The following MAGI2 variants were observed in gnomAD, a reference collection of about 807,000 sequenced individuals.
MAGI2 encodes membrane-associated guanylate kinase, WW and PDZ domain-containing protein 2.
In MAGI2, 35 loss-of-function variants were observed where a neutral mutation model predicts 133.3. The ratio of observed to expected loss-of-function variants is 0.26; its 90% CI spans 0.20 to 0.35. MAGI2 has a LOEUF of 0.35. MAGI2 is among the 10% of genes least tolerant of loss of function. The pLI, the probability that MAGI2 is intolerant of heterozygous loss-of-function variation, is 1.00. For synonymous variants in MAGI2, 729 were observed against 710.6 expected (o/e 1.03, Z -0.41); for missense variants, 1,636 against 1,863.4 (o/e 0.88, Z 2.25).
intron 1 of MAGI2, among the ~76,000 whole-genome samples, chr7:79,082,677 G>A (rs1816144822): frequency 6.6e-6 from 1 of 151,914 alleles, no homozygotes. Flanking sequence ...AGTTGGTTTT[G>A]GTTATTCAGG....
At chr7:79,099,646 G>C (rs1343676529) in intron 1 of MAGI2, among the ~76,000 whole-genome samples, 3 of 151,926 alleles carry the variant, frequency 2.0e-5, no homozygotes, top group Non-Finnish European at 2.9e-5. Flanking sequence ...CCCTTAAGTA[G>C]GTCCCATTGT....
At chr7:79,326,769 T>G (rs1179022339) in intron 1 of MAGI2, among the ~76,000 whole-genome samples, 1 of 151,862 alleles carries the variant, frequency 6.6e-6, no homozygotes, top group Non-Finnish European at 1.5e-5. Context: ...CAACCAATAA[T>G]GAAATGGAGC....
intron 1 of MAGI2, among the ~76,000 whole-genome samples, chr7:79,031,441 A>T (rs943988646): frequency 6.6e-6 from 1 of 152,160 alleles, no homozygotes; most frequent in Non-Finnish European, 1.5e-5. Flanking sequence ...TCATATACAG[A>T]CCAGTAACAG....
intron 2 of MAGI2, among the ~76,000 whole-genome samples, chr7:78,914,960 A>C (rs1172126374): frequency 6.6e-6 from 1 of 152,160 alleles, no homozygotes; most frequent in Non-Finnish European, 1.5e-5. Flanking sequence ...GGTAGAAAAT[A>C]CAGAAGTCAT....
chr7:78,710,385 T>C (rs761083774), intron 2 of MAGI2, among the ~76,000 whole-genome samples: 2 of 152,270 alleles, frequency 1.3e-5, no homozygotes, highest in South Asian at 4.1e-4. Flanking sequence ...AACCCTATGT[T>C]TGGGGAGAGG....
chr7:78,056,953 A>T (rs1186939166), intron 21 of MAGI2, among the ~76,000 whole-genome samples: 1 of 151,858 alleles, frequency 6.6e-6, no homozygotes, highest in Non-Finnish European at 1.5e-5. Flanking sequence ...GGTTATTATA[A>T]ATATTGTGAA....
intron 3 of MAGI2, among the ~76,000 whole-genome samples, chr7:78,582,694 C>T (rs1002880549): frequency 6.6e-6 from 1 of 152,180 alleles, no homozygotes; most frequent in African/African-American, 2.4e-5. Context: ...TGGGTTAAAA[C>T]ATTTTCTTAA....
intron 1 of MAGI2, among the ~76,000 whole-genome samples, chr7:79,158,886 T>A (rs922093160): frequency 4.6e-5 from 7 of 152,066 alleles, no homozygotes; most frequent in African/African-American, 1.7e-4. Flanking sequence ...TAATTTCCAA[T>A]TTAAAAGTTA....
intron 2 of MAGI2, among the ~76,000 whole-genome samples, chr7:78,948,028 T>G (rs1168474664): frequency 1.3e-5 from 2 of 152,048 alleles, no homozygotes; most frequent in East Asian, 3.9e-4. Flanking sequence ...TAAGTTAAAA[T>G]GGGACGTTGA....
chr7:78,399,786 CAG>C (rs1796680898), intron 6 of MAGI2, among the ~76,000 whole-genome samples: 1 of 111,874 alleles, frequency 8.9e-6, no homozygotes, highest in African/African-American at 3.5e-5. Context: ...GCCTGGTTGA[CAG>C]AGTGAGACTT....
chr7:79,210,997 T>C (rs1562999011), intron 1 of MAGI2, among the ~76,000 whole-genome samples: 1 of 152,030 alleles, frequency 6.6e-6, no homozygotes, highest in South Asian at 2.1e-4. Context: ...TTATGCATGC[T>C]ATTGAAAAAA....
rs74626176 is a variant in MAGI2, at chr7:78,672,457, T to C, written c.419-45218A>G. 6.6e-5 allele frequency among the ~76,000 whole-genome samples: 10 copies of C among 152,278 alleles called. No homozygotes were observed. The East Asian group carries it at 1.9e-3, about 29-fold the overall frequency. On this transcript the variant is annotated intron_variant, in intron 2 of 21. Transcript: ENST00000354212. Reference sequence around the variant, plus strand: ...AAATTAGCCAGTTTCAGGTATTCTTTATAGCAATACAAAATGGACAACACA... The same window carrying C: ...AAATTAGCCAGTTTCAGGTATTCTTCATAGCAATACAAAATGGACAACACA...
At chr7:78,459,860 A>G (rs1039145130) in intron 6 of MAGI2, among the ~76,000 whole-genome samples, 2 of 152,258 alleles carry the variant, frequency 1.3e-5, no homozygotes, top group African/African-American at 4.8e-5. Flanking sequence ...AAAAACATAG[A>G]AGTACCTCTA....
chr7:78,201,716 T>C (rs971422125), intron 10 of MAGI2, among the ~76,000 whole-genome samples: 1 of 152,194 alleles, frequency 6.6e-6, no homozygotes, highest in Non-Finnish European at 1.5e-5. Flanking sequence ...TTTTTGTGAG[T>C]GTTTCTCCAC....
intron 2 of MAGI2, among the ~76,000 whole-genome samples, chr7:78,788,877 A>G (rs1283494335): frequency 6.6e-6 from 1 of 152,084 alleles, no homozygotes; most frequent in East Asian, 1.9e-4. Flanking sequence ...CATAAAGTAC[A>G]ACTCCTTCCT....
At chr7:79,146,093 C>T (rs1384381483) in intron 1 of MAGI2, among the ~76,000 whole-genome samples, 1 of 151,994 alleles carries the variant, frequency 6.6e-6, no homozygotes, top group Non-Finnish European at 1.5e-5. Flanking sequence ...CTGCACTAAA[C>T]CTCTGTTCAT....
At chr7:78,051,716 C>G (rs1721519028) in intron 21 of MAGI2, among the ~76,000 whole-genome samples, 1 of 152,072 alleles carries the variant, frequency 6.6e-6, no homozygotes, top group South Asian at 2.1e-4. Flanking sequence ...TCCCAAATAG[C>G]TGGGACTATA....
chr7:78,162,357 C>CA (rs3085587), intron 15 of MAGI2, among the ~76,000 whole-genome samples: 22,152 of 136,856 alleles, frequency 0.16, 1,816 homozygotes, highest in East Asian at 0.36. Context: ...ACTAAAAATA[C>CA]AAAAAAAAAA....
intron 1 of MAGI2, among the ~76,000 whole-genome samples, chr7:79,407,714 C>T (rs747699078): frequency 6.6e-6 from 1 of 151,878 alleles, no homozygotes; most frequent in South Asian, 2.1e-4. Flanking sequence ...ACAAATATGA[C>T]CATAAATGTG....
Sources: allele counts gnomAD v4.1 joint callset (sites outside exome capture counted in the v4.1 genomes callset), GRCh38; gene constraint gnomAD v4.1.1; transcripts MANE v1.5; gene names NCBI Gene and HGNC (gene_info 2026-07-23, HGNC 2026-07-21).